The following MYO3B variants were observed in gnomAD, a reference collection of about 807,000 sequenced individuals.
MYO3B encodes myosin-IIIb.
In MYO3B, 156 loss-of-function variants were observed where a neutral mutation model predicts 174.6. The observed-to-expected ratio is 0.89, with a 90% CI of 0.78 to 1.02. The LOEUF is 1.02. MYO3B is among the 50% of genes least tolerant of loss of function. The pLI is 0.00. For missense variants in MYO3B, 1,632 were observed against 1,639.4 expected, an observed-to-expected ratio of 1.00 and a Z score of 0.08; for synonymous variants, 563 against 569.1, an observed-to-expected ratio of 0.99 and a Z score of 0.15.
chr2:170,409,369 C>G (rs1298095288), intron 22 of MYO3B, among the ~76,000 whole-genome samples: 2 of 152,190 alleles, frequency 1.3e-5, no homozygotes, highest in Non-Finnish European at 2.9e-5. Context: ...GAGCTTTCCT[C>G]TTGTTTCTGA....
intron 7 of MYO3B, among the ~76,000 whole-genome samples, chr2:170,259,406 C>G (rs1037498782): frequency 1.3e-5 from 2 of 152,090 alleles, no homozygotes; most frequent in African/African-American, 4.8e-5. Context: ...AGAAATAAAG[C>G]CACTATAACC....
chr2:170,269,076 G>A (rs1174292859), intron 7 of MYO3B, among the ~76,000 whole-genome samples: 1 of 152,224 alleles, frequency 6.6e-6, no homozygotes, highest in Admixed American at 6.5e-5. Context: ...TAAGATGCCA[G>A]CTGTGAATCT....
intron 3 of MYO3B, among the ~76,000 whole-genome samples, chr2:170,210,303 T>C (rs1327752416): frequency 6.6e-6 from 1 of 152,252 alleles, no homozygotes; most frequent in Admixed American, 6.5e-5. Flanking sequence ...TTGTTTAAAC[T>C]GTCAGCTTTA....
At chr2:170,564,738 A>T (rs1437768859) in intron 32 of MYO3B, among the ~76,000 whole-genome samples, 1 of 152,066 alleles carries the variant, frequency 6.6e-6, no homozygotes, top group Non-Finnish European at 1.5e-5. Flanking sequence ...GTTCAGAAAA[A>T]GTTAAGAGAA....
chr2:170,529,712 A>G (rs1052019248), intron 30 of MYO3B, among the ~76,000 whole-genome samples: 1 of 152,206 alleles, frequency 6.6e-6, no homozygotes, highest in Non-Finnish European at 1.5e-5. Context: ...TATTGAGCCT[A>G]TTTTGAAAAG....
In MYO3B at chr2:170,374,418, C is replaced by A. The variant is rs116432634; in HGVS notation, c.971+5041C>A. Among the ~76,000 whole-genome samples the A allele has an allele frequency of 1.5e-3, 233 of 152,164 alleles. 2 individuals are homozygous for A. Among genetic ancestry groups the A allele is most frequent in the African/African-American group, 5.5e-3 (228 of 41,508 alleles). On this transcript the variant is annotated intron_variant, in intron 9 of 34. Coordinates refer to ENST00000408978, the MANE Select transcript of MYO3B (RefSeq NM_138995.5). ...GATTGTAGAACTGAGATCCTAGGAA[C>A]TTTTGATAGATAATTAGGAACTAAG...
intron 32 of MYO3B, among the ~76,000 whole-genome samples, chr2:170,610,037 C>G (rs1251921171): frequency 6.6e-6 from 1 of 152,216 alleles, no homozygotes; most frequent in Non-Finnish European, 1.5e-5. Flanking sequence ...ATGCCCACCT[C>G]AAGAATTTTA....
intron 32 of MYO3B, among the ~76,000 whole-genome samples, chr2:170,582,767 G>C (rs1437703605): frequency 6.6e-6 from 1 of 152,010 alleles, no homozygotes; most frequent in Non-Finnish European, 1.5e-5. Flanking sequence ...AAATATTCAG[G>C]CCTTTTGTTA....
intron 7 of MYO3B, chr2:170,332,031 G>A (rs1015272906): frequency 6.6e-6 from 1 of 152,160 alleles, no homozygotes; most frequent in African/African-American, 2.4e-5. Flanking sequence ...AAGTCCCTTT[G>A]CCATATGAAG....
intron 32 of MYO3B, among the ~76,000 whole-genome samples, chr2:170,629,850 AAAAC>A (rs1229804424): frequency 7.2e-5 from 11 of 152,272 alleles, no homozygotes; most frequent in East Asian, 1.9e-4. Context: ...ACTCTATCTA[AAAAC>A]AAACAAACAA....
chr2:170,203,613 C>A (rs534103491), intron 3 of MYO3B, among the ~76,000 whole-genome samples: 1 of 152,028 alleles, frequency 6.6e-6, no homozygotes, highest in Non-Finnish European at 1.5e-5. Context: ...ATAATCTAGA[C>A]CTGAATATCA....
intron 22 of MYO3B, 29 bp from the exon 23 acceptor site, chr2:170,443,938 A>G (rs2094821162): frequency 1.2e-5 from 19 of 1,580,894 alleles, no homozygotes; most frequent in Admixed American, 1.7e-5. Flanking sequence ...TTTTCCTTTA[A>G]TTTATGTTCT....
chr2:170,559,568 T>A lies in MYO3B; in HGVS notation c.3733+15580T>A, dbSNP rs569958041. 1.5e-3 allele frequency among the ~76,000 whole-genome samples: 233 copies of A among 152,286 alleles called. 1 individual carries two copies. Among genetic ancestry groups the A allele is most frequent in the African/African-American group, 5.4e-3 (225 of 41,566 alleles). On this transcript the variant is annotated intron_variant, in intron 32 of 34. Coordinates refer to ENST00000408978, the MANE Select transcript of MYO3B (RefSeq NM_138995.5). ...GCAGTTGAATTTGGATTAAAAATAC[T>A]TGCAATTTTTTAAAAAGAACAGATA...
At chr2:170,411,167 G>A (rs182524936) in intron 22 of MYO3B, among the ~76,000 whole-genome samples, 24 of 152,288 alleles carry the variant, frequency 1.6e-4, no homozygotes, top group Non-Finnish European at 2.9e-5. Flanking sequence ...TCACTTTCCT[G>A]TTCTTTCAAG....
intron 8 of MYO3B, among the ~76,000 whole-genome samples, chr2:170,356,135 G>A (rs1439015946): frequency 6.6e-6 from 1 of 151,398 alleles, no homozygotes; most frequent in African/African-American, 2.4e-5. Context: ...TGACTTTTTT[G>A]TATTTTTACT....
intron 6 of MYO3B, among the ~76,000 whole-genome samples, chr2:170,227,619 G>C (rs1468112016): frequency 6.6e-6 from 1 of 152,078 alleles, no homozygotes; most frequent in East Asian, 1.9e-4. Context: ...GAGCTAAACA[G>C]AATCACTCTC....
At chr2:170,596,811 G>A (rs1438502619) in intron 32 of MYO3B, among the ~76,000 whole-genome samples, 1 of 152,186 alleles carries the variant, frequency 6.6e-6, no homozygotes, top group Non-Finnish European at 1.5e-5. Flanking sequence ...TAACGCACAT[G>A]GTCACCAGCC....
chr2:170,422,210 T>C (rs906174460), intron 22 of MYO3B, among the ~76,000 whole-genome samples: 3 of 152,142 alleles, frequency 2.0e-5, no homozygotes, highest in Non-Finnish European at 4.4e-5. Flanking sequence ...TTGTTGTTGT[T>C]GTTGTTTAAG....
At chr2:170,438,875 A>G (rs1285591289) in intron 22 of MYO3B, among the ~76,000 whole-genome samples, 1 of 151,868 alleles carries the variant, frequency 6.6e-6, no homozygotes, top group African/African-American at 2.4e-5. Flanking sequence ...TTTGTGATCC[A>G]CCAGCTTTGG....
Sources: allele counts gnomAD v4.1 joint callset (sites outside exome capture counted in the v4.1 genomes callset), GRCh38; gene constraint gnomAD v4.1.1; transcripts MANE v1.5; gene names NCBI Gene and HGNC (gene_info 2026-07-23, HGNC 2026-07-21).